The following DDX10 variants were observed in gnomAD, a reference collection of about 807,000 sequenced individuals.
The protein encoded by DDX10 is DEAD-box helicase 10, also known as probable ATP-dependent RNA helicase DDX10.
DDX10 carries 74 observed loss-of-function variants against 104.3 expected under a neutral mutation model. The observed-to-expected ratio is 0.71, with a 90% CI of 0.59 to 0.86. The LOEUF is 0.86. Among genes scored for constraint, DDX10 ranks in the 40% least tolerant of loss-of-function variants. DDX10 has a pLI of 0.00. For missense variants in DDX10, 952 were observed against 1,040.0 expected, an observed-to-expected ratio of 0.92 and a Z score of 1.16; for synonymous variants, 351 against 353.4, an observed-to-expected ratio of 0.99 and a Z score of 0.08.
intron 9 of DDX10, among the ~76,000 whole-genome samples, chr11:108,694,894 C>G (rs1279791329): frequency 1.3e-5 from 2 of 151,702 alleles, no homozygotes; most frequent in East Asian, 3.9e-4. Flanking sequence ...AACAACAAAA[C>G]AAAACAAATA....
chr11:108,802,554 C>T (rs2134559277), intron 13 of DDX10, among the ~76,000 whole-genome samples: 1 of 152,286 alleles, frequency 6.6e-6, no homozygotes, highest in South Asian at 2.1e-4. Flanking sequence ...CGTGCCATTT[C>T]TCTCTTCTGG....
intron 15 of DDX10, among the ~76,000 whole-genome samples, chr11:108,846,069 A>G (rs1862713365): frequency 6.6e-6 from 1 of 152,212 alleles, no homozygotes; most frequent in Non-Finnish European, 1.5e-5. Context: ...TTTGTCTTAA[A>G]GATTTAGAAA....
chr11:108,780,766 G>A (rs2134538915), intron 13 of DDX10, among the ~76,000 whole-genome samples: 1 of 152,152 alleles, frequency 6.6e-6, no homozygotes, highest in Middle Eastern at 3.4e-3. Context: ...TTTTTATTTG[G>A]ATGGGATAGT....
chr11:108,843,544 G>T (rs1412473591), intron 15 of DDX10, among the ~76,000 whole-genome samples: 1 of 151,816 alleles, frequency 6.6e-6, no homozygotes, highest in Non-Finnish European at 1.5e-5. Context: ...TGGATCACGA[G>T]GTCAGGAGTT....
At chr11:108,750,685 G>A (rs1449453966) in intron 13 of DDX10, among the ~76,000 whole-genome samples, 2 of 151,516 alleles carry the variant, frequency 1.3e-5, no homozygotes, top group African/African-American at 2.4e-5. Flanking sequence ...TTTTGTTATG[G>A]TACGAATTGA....
intron 10 of DDX10, among the ~76,000 whole-genome samples, 195 bp downstream of exon 10, chr11:108,707,032 A>G (rs1007699443): frequency 2.0e-5 from 3 of 152,164 alleles, no homozygotes; most frequent in South Asian, 2.1e-4. Context: ...CATATACCCC[A>G]TTCCCCAAAC....
intron 16 of DDX10, among the ~76,000 whole-genome samples, chr11:108,910,409 C>A (rs1209261328): frequency 2.0e-5 from 3 of 152,150 alleles, no homozygotes; most frequent in African/African-American, 4.8e-5. Flanking sequence ...GTAAGATAAT[C>A]TATGTTAAAG....
At chr11:108,932,842 C>T (rs992693223) in intron 17 of DDX10, among the ~76,000 whole-genome samples, 6 of 151,902 alleles carry the variant, frequency 3.9e-5, no homozygotes, top group African/African-American at 9.7e-5. Context: ...GTGCTGTATT[C>T]GCTTATTATA....
chr11:108,880,542 G>A (rs569843817), intron 16 of DDX10, among the ~76,000 whole-genome samples: 4 of 152,264 alleles, frequency 2.6e-5, no homozygotes, highest in East Asian at 1.9e-4. Flanking sequence ...GATTATCAGA[G>A]TATAATCTGG....
chr11:108,766,955 A>C (rs1174562214), intron 13 of DDX10, among the ~76,000 whole-genome samples: 1 of 152,206 alleles, frequency 6.6e-6, no homozygotes, highest in Non-Finnish European at 1.5e-5. Context: ...AATTATTTTG[A>C]GAACCCTTTT....
intron 13 of DDX10, among the ~76,000 whole-genome samples, chr11:108,772,643 C>T (rs924960752): frequency 4.6e-5 from 7 of 152,172 alleles, no homozygotes; most frequent in Admixed American, 2.0e-4. Flanking sequence ...TGCAGCCTAC[C>T]GGTCTGTGGC....
intron 13 of DDX10, among the ~76,000 whole-genome samples, chr11:108,794,199 A>G (rs1194320447): frequency 6.6e-6 from 1 of 151,348 alleles, no homozygotes; most frequent in South Asian, 2.1e-4. Flanking sequence ...ATGAATACCT[A>G]CTAGTGGGAT....
chr11:108,821,719 C>T (rs914530687), intron 13 of DDX10, among the ~76,000 whole-genome samples: 4 of 151,926 alleles, frequency 2.6e-5, no homozygotes, highest in East Asian at 1.9e-4. Context: ...CGTAAGAAAG[C>T]GCTTTTTTAA....
At chr11:108,788,567 T>C (rs1177098841) in intron 13 of DDX10, among the ~76,000 whole-genome samples, 10 of 152,172 alleles carry the variant, frequency 6.6e-5, no homozygotes, top group Admixed American at 6.5e-4. Flanking sequence ...TTCTCCATGT[T>C]GGTCAGGCTG....
intron 13 of DDX10, among the ~76,000 whole-genome samples, chr11:108,779,495 A>T (rs188521811): frequency 6.6e-6 from 1 of 150,426 alleles, no homozygotes; most frequent in Non-Finnish European, 1.5e-5. Flanking sequence ...ATGAGAACAC[A>T]TGGACACAGG....
At chr11:108,848,412 G>A (rs1258829097) in intron 15 of DDX10, among the ~76,000 whole-genome samples, 1 of 152,128 alleles carries the variant, frequency 6.6e-6, no homozygotes, top group Non-Finnish European at 1.5e-5. Flanking sequence ...TTCTGAAATG[G>A]ATGTTGTGAA....
intron 13 of DDX10, among the ~76,000 whole-genome samples, chr11:108,785,946 T>C (rs1267962839): frequency 1.3e-5 from 2 of 152,282 alleles, no homozygotes; most frequent in South Asian, 2.1e-4. Context: ...GTTAGATTCT[T>C]GAGATCTTTC....
intron 9 of DDX10, among the ~76,000 whole-genome samples, chr11:108,697,484 T>G (rs1267852454): frequency 6.6e-6 from 1 of 152,194 alleles, no homozygotes; most frequent in Non-Finnish European, 1.5e-5. Context: ...TGGGGAATCT[T>G]TTTTTCTTTC....
chr11:108,913,182 G>A (rs1591123094), intron 16 of DDX10, among the ~76,000 whole-genome samples: 1 of 152,054 alleles, frequency 6.6e-6, no homozygotes, highest in Non-Finnish European at 1.5e-5. Flanking sequence ...CAAGGTGGTC[G>A]GGGCACAGCT....
Sources: gnomAD v4.1 joint callset for allele counts (sites outside exome capture counted in the v4.1 genomes callset) on GRCh38, gnomAD v4.1.1 for gene constraint, MANE v1.5 for transcripts, NCBI Gene and HGNC (gene_info 2026-07-23, HGNC 2026-07-21) for gene names.